Variants in USH2A observed in about 807,000 individuals in gnomAD.
USH2A encodes Usher syndrome 2A (autosomal recessive, mild).
Under a neutral mutation model 538.9 loss-of-function variants are expected in USH2A, and 443 were observed. The observed-to-expected ratio is 0.82, with a 90% CI of 0.76 to 0.89. USH2A has a LOEUF of 0.89. Ranked by LOEUF, USH2A falls within the 40% of genes least tolerant of loss-of-function variation. The pLI is 0.00. For missense variants in USH2A, 6,633 were observed against 6,324.8 expected (o/e 1.05, Z -1.65); for synonymous variants, 2,413 against 2,273.5 (o/e 1.06, Z -1.75).
At chr1:215,706,881 TTTTA>T (rs1353060288) in intron 61 of USH2A, among the ~76,000 whole-genome samples, 2 of 152,230 alleles carry the variant, frequency 1.3e-5, no homozygotes, top group Non-Finnish European at 2.9e-5. Flanking sequence ...GATTATCTGC[TTTTA>T]TTTGTGTTTT....
intron 37 of USH2A, among the ~76,000 whole-genome samples, chr1:215,942,282 C>A (rs1301537244): frequency 6.6e-6 from 1 of 152,070 alleles, no homozygotes; most frequent in Non-Finnish European, 1.5e-5. Flanking sequence ...CTTGCTGTAT[C>A]AAAAAGAGGG....
intron 38 of USH2A, among the ~76,000 whole-genome samples, chr1:215,902,558 A>G (rs1471614221): frequency 1.3e-5 from 2 of 152,164 alleles, no homozygotes; most frequent in African/African-American, 2.4e-5. Flanking sequence ...TACTGTGTAT[A>G]CAATAATACC....
At chr1:216,052,363 G>GAA (rs66887627) in intron 30 of USH2A, among the ~76,000 whole-genome samples, 4 of 127,754 alleles carry the variant, frequency 3.1e-5, no homozygotes, top group East Asian at 2.2e-4. Flanking sequence ...GAAAACAAAG[G>GAA]AAAAAAAAAA....
chr1:215,821,915 AAAAATGAGTTGTCTGT>A (rs1558114086), intron 47 of USH2A, among the ~76,000 whole-genome samples: 1 of 151,886 alleles, frequency 6.6e-6, no homozygotes, highest in Admixed American at 6.6e-5. Context: ...TTCCTTTGTT[AAAAATGAGTTGTCTGT>A]AAATGCATGG....
chr1:215,775,893 T>C (rs1661447679), intron 55 of USH2A, among the ~76,000 whole-genome samples: 1 of 152,226 alleles, frequency 6.6e-6, no homozygotes, highest in Non-Finnish European at 1.5e-5. Flanking sequence ...TGCTGGTGAG[T>C]TTTTCCTTTT....
chr1:216,420,759 ACAAGGTTTT>A (rs1458640298), intron 2 of USH2A, among the ~76,000 whole-genome samples: 3 of 152,146 alleles, frequency 2.0e-5, no homozygotes, highest in Non-Finnish European at 4.4e-5. Context: ...CAGTAAGAAA[ACAAGGTTTT>A]CTTTGAGGAG....
chr1:216,139,861 T>A (rs920693341), intron 21 of USH2A, among the ~76,000 whole-genome samples: 1 of 152,190 alleles, frequency 6.6e-6, no homozygotes, highest in Non-Finnish European at 1.5e-5. Flanking sequence ...ATTGCCTCCA[T>A]CTCAGTTCTG....
At chr1:216,417,409 G>A (rs996336166) in intron 3 of USH2A, among the ~76,000 whole-genome samples, 1 of 152,062 alleles carries the variant, frequency 6.6e-6, no homozygotes, top group Non-Finnish European at 1.5e-5. Context: ...GTGGTACCCA[G>A]CACCCCAAGT....
intron 49 of USH2A, among the ~76,000 whole-genome samples, chr1:215,810,447 G>A (rs1662635074): frequency 6.6e-6 from 1 of 152,164 alleles, no homozygotes; most frequent in Non-Finnish European, 1.5e-5. Flanking sequence ...CAGTGAAGAT[G>A]TAACTAAGAA....
intron 61 of USH2A, among the ~76,000 whole-genome samples, chr1:215,688,095 A>ATT (rs34874298): frequency 0.36 from 55,186 of 151,778 alleles, 10,255 homozygotes; most frequent in South Asian, 0.52. Context: ...GAAATTCTTG[A>ATT]TTACAAGGGC....
chr1:216,079,762 G>A (rs2031874333), intron 26 of USH2A, among the ~76,000 whole-genome samples: 1 of 152,056 alleles, frequency 6.6e-6, no homozygotes, highest in East Asian at 1.9e-4. Context: ...CTAGAATTCA[G>A]GAAATGCATT....
chr1:215,930,592 T>C (rs1209497318), intron 38 of USH2A, among the ~76,000 whole-genome samples: 13 of 152,028 alleles, frequency 8.6e-5, no homozygotes, highest in Admixed American at 2.0e-4. Flanking sequence ...CTTCCATCAT[T>C]TAACTACATG....
chr1:215,817,553 T>G (rs1198599571), intron 47 of USH2A, among the ~76,000 whole-genome samples: 1 of 151,926 alleles, frequency 6.6e-6, no homozygotes, highest in Non-Finnish European at 1.5e-5. Flanking sequence ...AACCTGCTTC[T>G]CCTTTGCCTT....
In USH2A at chr1:215,733,657, T is replaced by C. The variant is rs576517043; in HGVS notation, c.11712-5273A>G. Among the ~76,000 whole-genome samples the C allele has an allele frequency of 6.7e-4, 102 of 152,348 alleles. 1 individual carries two copies. The highest frequency in any genetic ancestry group is 1.5e-3 in the Admixed American group (23 of 15,310). On this transcript the variant is annotated intron_variant, in intron 60 of 71. Transcript: ENST00000307340. ...TGTGGATATAGGTATTGGGTAAACA[T>C]TCTCATTGCAAAAGGGAGAAATTGG... is the stretch of plus-strand genomic sequence containing the variant.
intron 47 of USH2A, among the ~76,000 whole-genome samples, chr1:215,833,888 A>G (rs1451773889): frequency 6.6e-6 from 1 of 152,112 alleles, no homozygotes; most frequent in African/African-American, 2.4e-5. Flanking sequence ...TTTGCAAAAG[A>G]TTTGGAGATA....
At position 216,175,411 on chromosome 1, in the gene USH2A, G is replaced by A. The variant is rs778153168; in HGVS notation, c.4468C>T (p.Pro1490Ser). The A allele has an allele frequency of 6.2e-6, 10 of 1,613,648 alleles. No individual in the cohort carries two copies. The South Asian group carries it at 1.1e-4, about 18-fold the overall frequency. Residue 1490 changes from proline (P) to serine (S), a missense_variant, in exon 21 of 72, where the codon CCT (proline) becomes TCT (serine). By Grantham distance (74) the Pro-to-Ser change is moderately conservative (BLOSUM62 -1). Transcript: ENST00000307340. ...GGAGAGGGTCCATTCAGTTCTTCAG[G>A]TGGAAACCACCTAAGATGGATTGTT... ...STTIHLRWFPPEELNGPSPIY... is the reference protein window; with the variant it reads ...STTIHLRWFPSEELNGPSPIY...
At chr1:215,892,023 A>AT (rs1558148019) in intron 40 of USH2A, among the ~76,000 whole-genome samples, 2 of 152,172 alleles carry the variant, frequency 1.3e-5, no homozygotes, top group Non-Finnish European at 2.9e-5. Flanking sequence ...ATGGGAAACT[A>AT]TTTTGCTCAT....
At chr1:215,867,785 C>A (rs1471669896) in intron 43 of USH2A, among the ~76,000 whole-genome samples, 1 of 152,190 alleles carries the variant, frequency 6.6e-6, no homozygotes, top group African/African-American at 2.4e-5. Context: ...TGAGTCAATA[C>A]AGTGGAAACC....
At chr1:216,015,333 C>A (rs1247769944) in intron 32 of USH2A, among the ~76,000 whole-genome samples, 1 of 152,192 alleles carries the variant, frequency 6.6e-6, no homozygotes, top group African/African-American at 2.4e-5. Flanking sequence ...AGGTTGCATT[C>A]ATCTCTGCCA....
Sources: allele counts gnomAD v4.1 joint callset (sites outside exome capture counted in the v4.1 genomes callset), GRCh38; gene constraint gnomAD v4.1.1; transcripts MANE v1.5; gene names NCBI Gene and HGNC (gene_info 2026-07-23, HGNC 2026-07-21).